Variants in UNC5A observed in about 807,000 individuals in gnomAD.
UNC5A encodes the protein unc-5 netrin receptor A.
UNC5A carries 20 observed loss-of-function variants against 87.4 expected under a neutral mutation model. The observed-to-expected ratio is 0.23, with a 90% CI of 0.16 to 0.33. The LOEUF (loss-of-function observed/expected upper bound fraction) is 0.33, where lower values mean the gene tolerates loss of function less well. Ranked by LOEUF, UNC5A falls within the 10% of genes least tolerant of loss-of-function variation. The pLI is 1.00. For synonymous variants in UNC5A, 438 were observed against 482.3 expected, an observed-to-expected ratio of 0.91 and a Z score of 1.20; for missense variants, 844 against 1,133.4, an observed-to-expected ratio of 0.74 and a Z score of 3.67.
At position 176,841,446 on chromosome 5, in the gene UNC5A, T is replaced by C. The variant is rs1011447957; in HGVS notation, c.71-21178T>C. Among the ~76,000 whole-genome samples, 15 of 152,330 alleles carry C rather than the reference T, an allele frequency of 9.8e-5. No homozygotes were observed. Among genetic ancestry groups the C allele is most frequent in the African/African-American group, 3.4e-4 (14 of 41,568 alleles). ...TGGGGCACAGACTGTGGAACCGGGC[T>C]GCCTGGCTGTCCCATGTGCAGCAGT... On this transcript the variant is annotated intron_variant, in intron 1 of 14. Transcript: ENST00000329542. This position sits in a 1 kb window ranked among gnomAD's most constrained non-coding sequence, Gnocchi z 4.1.
intron 1 of UNC5A, among the ~76,000 whole-genome samples, chr5:176,830,784 GTGTGTGTGCTGGCA>G (rs1756997421): frequency 1.4e-5 from 2 of 144,696 alleles, no homozygotes; most frequent in Admixed American, 6.9e-5. Context: ...GTGTACTGGC[GTGTGTGTGCTGGCA>G]TGTGTGTGTG....
intron 6 of UNC5A, 70 bp downstream of exon 6, chr5:176,870,604 G>T (rs1758086021): frequency 6.7e-7 from 1 of 1,481,746 alleles, no homozygotes; most frequent in Non-Finnish European, 9.0e-7. Flanking sequence ...TGGGGAGGTG[G>T]GGGCTGAGGG....
chr5:176,843,390 T>A (rs1420402186), intron 1 of UNC5A, among the ~76,000 whole-genome samples: 1 of 147,264 alleles, frequency 6.8e-6, no homozygotes, highest in Non-Finnish European at 1.5e-5. Flanking sequence ...ATGATCCCAT[T>A]GCGGTGACAT....
At position 176,852,243 on chromosome 5, in the gene UNC5A, C is replaced by T. The variant is rs1432222946; in HGVS notation, c.71-10381C>T. 2.0e-5 allele frequency among the ~76,000 whole-genome samples: 3 copies of T among 152,082 alleles called. No individual in the cohort carries two copies. In the East Asian group the frequency reaches 5.8e-4, roughly 29 times the overall value. ...AGGTGAGAGGTGAGGGAGGCTCACA[C>T]ACACTCACACACACCACACACACAG... On this transcript the variant is annotated intron_variant, in intron 1 of 14. Coordinates refer to ENST00000329542, the MANE Select transcript of UNC5A (RefSeq NM_133369.3).
In UNC5A at chr5:176,878,669, G is replaced by A. The variant is rs1758329843; in HGVS notation, c.2184+30G>A. The A allele has an allele frequency of 3.1e-6, 5 of 1,593,900 alleles. No individual in the cohort carries two copies. The East Asian group carries it at 1.1e-4, about 36-fold the overall frequency. On this transcript the variant is annotated intron_variant, in intron 13 of 14. Transcript: ENST00000329542. ...ACGGGAGGGGCTGCCGCACCGCCGT[G>A]ACGTGCTCCCACTACCAACTCCCCA...
chr5:176,880,168 A>C lies in UNC5A; in HGVS notation c.*282A>C. 2.5e-6 allele frequency: 1 copy of C among 406,784 alleles called. No homozygotes were observed. Among genetic ancestry groups the C allele is most frequent in the Non-Finnish European group, 4.5e-6 (1 of 222,142 alleles). 25.2% of individuals were successfully genotyped at this position (406,784 alleles called of 1,614,324 possible). ...AGGCCCAGCCCATCTGTGTGTGTGT[A>C]TGTGCGTGTGATGCTACCTCTCCTC... On this transcript the variant is annotated 3_prime_UTR_variant, in exon 15 of 15. Coordinates refer to ENST00000329542, the MANE Select transcript of UNC5A (RefSeq NM_133369.3).
intron 1 of UNC5A, among the ~76,000 whole-genome samples, chr5:176,846,456 A>G (rs911232958): frequency 6.6e-6 from 1 of 152,162 alleles, no homozygotes. Context: ...TTTCTTGTCC[A>G]TGATGGGGGA....
chr5:176,858,203 GACA>G (rs1366986302), intron 1 of UNC5A, among the ~76,000 whole-genome samples: 1 of 152,224 alleles, frequency 6.6e-6, no homozygotes, highest in African/African-American at 2.4e-5. Flanking sequence ...CTTCTCCTGT[GACA>G]ACAGCTCCAG....
rs1561665180 is a variant in UNC5A, at chr5:176,868,778, C to T, written c.541-6C>T. 6.3e-7 allele frequency: 1 copy of T among 1,595,330 alleles called. No homozygotes were observed. Among genetic ancestry groups the T allele is most frequent in the Non-Finnish European group, 8.6e-7 (1 of 1,166,626 alleles). ...TGGCAGTACATGGCAGGGCTCCCTC[C>T]CCTAGGTGGAGTGGCTCCGGAACGA... On this transcript the variant is annotated splice_region_variant and splice_polypyrimidine_tract_variant and intron_variant, in intron 4 of 14. Transcript: ENST00000329542.
chr5:176,831,885 C>CTTTTTTTTTTTT (rs10580672), intron 1 of UNC5A, among the ~76,000 whole-genome samples: 24 of 27,684 alleles, frequency 8.7e-4, no homozygotes, highest in African/African-American at 1.3e-3. Context: ...TTCTCTCTCT[C>CTTTTTTTTTTTT]TTTTTTTTTT....
chr5:176,862,625 T>C lies in UNC5A; in HGVS notation c.72T>C (p.Gly24=), dbSNP rs1230857542. The C allele has an allele frequency of 1.9e-6, 3 of 1,613,128 alleles. No homozygotes were observed. Among genetic ancestry groups the C allele is most frequent in the Admixed American group, 3.3e-5 (2 of 60,010 alleles). The change falls in exon 2 of 15, where the codon GGT becomes GGC. Residue 24 remains glycine (G), a splice_region_variant and synonymous_variant. Transcript: ENST00000329542. Reference sequence around the variant, plus strand: ...CCTTCCCCCTCTGCCCTGCCGCAGGTGCCCAGCAGAGTGCCACCGTGGCCA... The same window carrying C: ...CCTTCCCCCTCTGCCCTGCCGCAGGCGCCCAGCAGAGTGCCACCGTGGCCA... The part of the protein sequence containing the change: ...IVLAAWLRGS[G]AQQSATVANP...
intron 1 of UNC5A, among the ~76,000 whole-genome samples, chr5:176,846,497 A>G (rs542505975): frequency 6.6e-6 from 1 of 152,280 alleles, no homozygotes; most frequent in African/African-American, 2.4e-5. Context: ...CCCCTGGGCT[A>G]TTGAGGCATC....
intron 1 of UNC5A, among the ~76,000 whole-genome samples, chr5:176,835,762 TC>T (rs1757138200): frequency 6.6e-6 from 1 of 151,192 alleles, no homozygotes; most frequent in African/African-American, 2.4e-5. Flanking sequence ...TGTGTGTGTG[TC>T]CTGAAATGAT....
At position 176,879,404 on chromosome 5, in the gene UNC5A, G is replaced by A. The variant is rs372561775; in HGVS notation, c.2279G>A (p.Arg760Gln). ...PSAFKIPFLI[R>Q]QKIISSLDPP... ...GCCTTCAAGATCCCCTTCCTCATTC[G>A]GCAGAAGATAATTTCCAGCCTGGAC... Residue 760 changes from arginine (R) to glutamine (Q), a missense_variant, in exon 14 of 15, where the codon CGG (arginine) becomes CAG (glutamine). Arg to Gln is a conservative substitution (Grantham distance 43, BLOSUM62 1). Coordinates refer to ENST00000329542, the MANE Select transcript of UNC5A (RefSeq NM_133369.3). 6.2e-6 allele frequency: 10 copies of A among 1,612,822 alleles called. No homozygotes were observed. Among genetic ancestry groups the A allele is most frequent in the South Asian group, 2.2e-5 (2 of 91,086 alleles).
intron 1 of UNC5A, among the ~76,000 whole-genome samples, chr5:176,811,625 G>T (rs906472848): frequency 3.9e-5 from 6 of 152,070 alleles, no homozygotes. Context: ...GGGGGAGGAA[G>T]TTCCCCTGCA....
chr5:176,810,906 C>T lies in UNC5A; in HGVS notation c.70+86C>T. 8.8e-7 allele frequency: 1 copy of T among 1,132,790 alleles called. No individual in the cohort carries two copies. The highest frequency in any genetic ancestry group is 1.1e-6 in the Non-Finnish European group (1 of 915,332). The allele number at this position is 1,132,790 out of a possible 1,614,324, so 70.2% of individuals were successfully genotyped here. ...CTGCTCTGGGGGTCCCTGACCAGCG[C>T]TGCCAGACCCGGCTGGGAGCCCCCC... On this transcript the variant is annotated intron_variant, in intron 1 of 14. Transcript: ENST00000329542. This position sits in a 1 kb window ranked among gnomAD's most constrained non-coding sequence, Gnocchi z 7.3.
intron 1 of UNC5A, among the ~76,000 whole-genome samples, chr5:176,819,285 G>A (rs1756670162): frequency 6.6e-6 from 1 of 152,180 alleles, no homozygotes. Flanking sequence ...ACCACACTGT[G>A]CCACAATGCC....
intron 1 of UNC5A, among the ~76,000 whole-genome samples, chr5:176,852,321 CAT>C (rs1757564112): frequency 6.6e-6 from 1 of 151,802 alleles, no homozygotes; most frequent in Admixed American, 6.6e-5. Flanking sequence ...GAAACACACA[CAT>C]ATCACACACA....
At chr5:176,823,325 G>A (rs1756774886) in intron 1 of UNC5A, among the ~76,000 whole-genome samples, 1 of 152,122 alleles carries the variant, frequency 6.6e-6, no homozygotes, top group Non-Finnish European at 1.5e-5. Flanking sequence ...CACCCTGCCA[G>A]GCTATGTGCA....
Sources: gnomAD v4.1 joint callset for allele counts (sites outside exome capture counted in the v4.1 genomes callset) on GRCh38, gnomAD v4.1.1 for gene constraint, Gnocchi (gnomAD v3.1) non-coding constraint, MANE v1.5 for transcripts, NCBI Gene and HGNC (gene_info 2026-07-23, HGNC 2026-07-21) for gene names.